The following SLC26A4 variants were observed in gnomAD, a reference collection of about 807,000 sequenced individuals.
SLC26A4 encodes the protein pendrin.
SLC26A4 carries 93 observed loss-of-function variants against 90.4 expected under a neutral mutation model. The observed-to-expected ratio is 1.03, with a 90% CI of 0.87 to 1.22. The LOEUF is 1.22. Among genes scored for constraint, SLC26A4 ranks in the 50% most tolerant of loss-of-function variants. SLC26A4 has a pLI of 0.00. For synonymous variants in SLC26A4, 393 were observed against 354.6 expected, an observed-to-expected ratio of 1.11 and a Z score of -1.22; for missense variants, 1,127 against 946.2, an observed-to-expected ratio of 1.19 and a Z score of -2.51.
chr7:107,661,449 A>T lies in SLC26A4; in HGVS notation c.-3-190A>T, dbSNP rs888972291. 3.1e-6 allele frequency: 2 copies of T among 655,380 alleles called. No homozygotes were observed. The highest frequency in any genetic ancestry group is 5.3e-6 in the Non-Finnish European group (2 of 374,842). The allele number at this position is 655,380 out of a possible 1,614,324, so 40.6% of individuals were successfully genotyped here. A position where few individuals can be genotyped will look rare whatever the true frequency, so the allele number is the denominator to read the frequency against. Reference sequence around the variant, plus strand: ...CGAAGGTTCTCAGGTGCCCCCCTGCAGGCTGGCCGTGCGCGCCGTGGGGCG... The same window carrying T: ...CGAAGGTTCTCAGGTGCCCCCCTGCTGGCTGGCCGTGCGCGCCGTGGGGCG... On this transcript the variant is annotated intron_variant, in intron 1 of 20. Transcript: ENST00000644269. This position sits in a 1 kb window ranked among gnomAD's most constrained non-coding sequence, Gnocchi z 5.1.
rs1264358618 is a variant in SLC26A4, at chr7:107,702,777, A to G, written c.2034+720A>G. 2.6e-5 allele frequency among the ~76,000 whole-genome samples: 4 copies of G among 152,206 alleles called. No individual in the cohort carries two copies. The East Asian group carries it at 5.8e-4, about 22-fold the overall frequency. On this transcript the variant is annotated intron_variant, in intron 17 of 20. Coordinates refer to ENST00000644269, the MANE Select transcript of SLC26A4 (RefSeq NM_000441.2). The stretch of plus-strand genomic sequence containing the variant: ...TGTTTTATCTTTCTGAGAATGTATA[A>G]CAAGTGGTATATGAAAAGAAAAAAA...
In SLC26A4 at chr7:107,701,840, G is replaced by A; in HGVS notation, c.1817G>A (p.Ser606Asn). ...QLRATKNGII[S>N]DAVSTNNAFE... ...TTCTTCGTTTAGAATGGCATCATAA[G>A]TGATGCTGTTTCAACAAATAATGCT... Residue 606 changes from serine (S) to asparagine (N), a missense_variant, in exon 17 of 21, where the codon AGT becomes AAT. Coordinates refer to ENST00000644269, the MANE Select transcript of SLC26A4 (RefSeq NM_000441.2). 2.5e-6 allele frequency: 4 copies of A among 1,595,552 alleles called. No homozygotes were observed. Among genetic ancestry groups the A allele is most frequent in the Non-Finnish European group, 3.4e-6 (4 of 1,163,200 alleles).
intron 14 of SLC26A4, among the ~76,000 whole-genome samples, chr7:107,699,094 G>C (rs183131069): frequency 2.0e-5 from 3 of 152,126 alleles, no homozygotes; most frequent in East Asian, 3.9e-4. Context: ...ATTTATTTCC[G>C]TGATCTTTCT....
chr7:107,711,511 A>G (rs1263114408), intron 19 of SLC26A4, among the ~76,000 whole-genome samples: 16 of 152,152 alleles, frequency 1.1e-4, no homozygotes, highest in Non-Finnish European at 1.5e-5. Flanking sequence ...TGGACCTTAA[A>G]CAAATAGACT....
chr7:107,670,298 G>A (rs996729447), intron 3 of SLC26A4, among the ~76,000 whole-genome samples: 1 of 151,640 alleles, frequency 6.6e-6, no homozygotes, highest in Admixed American at 6.6e-5. Flanking sequence ...TAGTAGAGAC[G>A]GGGTTTCACC....
intron 10 of SLC26A4, chr7:107,693,792 C>T: frequency 2.5e-6 from 2 of 809,266 alleles, no homozygotes; most frequent in Non-Finnish European, 3.0e-6. Context: ...CTGAGCCTGC[C>T]TCCGTGGAAC....
intron 2 of SLC26A4, chr7:107,662,041 G>T: frequency 1.7e-6 from 1 of 579,748 alleles, no homozygotes; most frequent in South Asian, 2.2e-5. Flanking sequence ...ACTCGCCTTT[G>T]GGGAGAGTGG....
In SLC26A4 at chr7:107,704,385, G is replaced by T. The variant is rs760740477; in HGVS notation, c.2089G>T (p.Asp697Tyr). 1.6e-6 allele frequency: 2 copies of T among 1,260,102 alleles called. No homozygotes were observed. The highest frequency in any genetic ancestry group is 1.5e-5 in the African/African-American group (1 of 68,146). 78.1% of individuals were successfully genotyped at this position (1,260,102 alleles called of 1,614,324 possible). ...DVNVYFASLQ[D>Y]YVIEKLEQCG... Reference sequence around the variant, plus strand: ...GAATGTGTATTTTGCATCACTTCAAGGTAAATACATATATCTACATATCTA... The same window carrying T: ...GAATGTGTATTTTGCATCACTTCAATGTAAATACATATATCTACATATCTA... Residue 697 changes from aspartate to tyrosine, a missense_variant and splice_region_variant, in exon 18 of 21, where the codon GAT (aspartate) becomes TAT (tyrosine). By Grantham distance (160) the Asp-to-Tyr change is radical (BLOSUM62 -3). Coordinates refer to ENST00000644269, the MANE Select transcript of SLC26A4 (RefSeq NM_000441.2).
At chr7:107,693,791 C>A (rs545979159) in intron 10 of SLC26A4, 3 of 839,556 alleles carry the variant, frequency 3.6e-6, no homozygotes, top group Admixed American at 5.2e-5. Context: ...TCTGAGCCTG[C>A]CTCCGTGGAA....
intron 12 of SLC26A4, 104 bp from the exon 13 acceptor site, chr7:107,695,829 T>A (rs549591336): frequency 1.3e-4 from 101 of 771,668 alleles, no homozygotes; most frequent in South Asian, 1.3e-3. Flanking sequence ...AAAAAAAAAA[T>A]GTAATTTGTT....
Position 107,674,985 on chromosome 7 carries a change from A to G in SLC26A4, c.641A>G (p.Tyr214Cys), listed in dbSNP as rs773861155. 16 of 1,614,126 alleles carry G rather than the reference A, an allele frequency of 9.9e-6. No homozygotes were observed. In the East Asian group the frequency reaches 2.9e-4, roughly 29 times the overall value. Residue 214 changes from tyrosine (Y) to cysteine (C), a missense_variant, in exon 6 of 21, where the codon TAC (tyrosine) becomes TGC (cysteine). Transcript: ENST00000644269. Reference protein sequence around the residue: ...GGLQIGFIVRYLADPLVGGFT... With the variant: ...GGLQIGFIVRCLADPLVGGFT... ...TTGCAGATTGGATTCATAGTGAGGT[A>G]CTTGGCAGATCCTTTGGTTGGTGGC...
At chr7:107,693,988 G>T (rs1791656849) in intron 10 of SLC26A4, among the ~76,000 whole-genome samples, 1 of 152,176 alleles carries the variant, frequency 6.6e-6, no homozygotes, top group African/African-American at 2.4e-5. Context: ...TCAGCTATGT[G>T]CCATGAGAAT....
intron 3 of SLC26A4, among the ~76,000 whole-genome samples, 165 bp downstream of exon 3, chr7:107,663,600 G>A (rs1363926428): frequency 1.3e-5 from 2 of 152,124 alleles, no homozygotes; most frequent in African/African-American, 4.8e-5. Flanking sequence ...CTTCCTTAGA[G>A]TTCTCTTCCT....
At chr7:107,712,758 CA>C (rs1792226564) in intron 20 of SLC26A4, 136 bp downstream of exon 20, 1 of 664,498 alleles carries the variant, frequency 1.5e-6, no homozygotes, top group Non-Finnish European at 2.7e-6. Flanking sequence ...GGCTTCATAG[CA>C]GGGAAAAAGA....
rs1450567840 is a variant in SLC26A4 at position 107,667,460 on chromosome 7, TTAAAAAAAAAA to T, written c.304+4026_304+4036del. ...GGGATCAGAAGCCAAGAGAGAAGGT[TTAAAAAAAAAA>T]AAAAAAAAAAAAAAGCATAGAGGGG... On this transcript the variant is annotated intron_variant, in intron 3 of 20. Coordinates refer to ENST00000644269, the MANE Select transcript of SLC26A4 (RefSeq NM_000441.2). Among the ~76,000 whole-genome samples, 22 of 26,430 alleles carry T rather than the reference TTAAAAAAAAAA, an allele frequency of 8.3e-4. No homozygotes were observed. In the East Asian group the frequency reaches 0.024, roughly 29 times the overall value. The allele number at this position is 26,430 out of a possible 152,430, so 17.3% of individuals were successfully genotyped here.
chr7:107,701,541 C>T (rs1187179207), intron 16 of SLC26A4, among the ~76,000 whole-genome samples: 1 of 152,204 alleles, frequency 6.6e-6, no homozygotes, highest in Non-Finnish European at 1.5e-5. Context: ...AGTCCATAAA[C>T]TTTTGGAGCT....
rs139407499 is a variant in SLC26A4, at chr7:107,691,144, T to C, written c.1263+907T>C. ...ACACACACACACACACACACACACA[T>C]GCACACACACATGCACAGTCTTCAC... On this transcript the variant is annotated intron_variant, in intron 10 of 20. Transcript: ENST00000644269. 4.3e-3 allele frequency among the ~76,000 whole-genome samples: 232 copies of C among 53,482 alleles called. 1 individual carries two copies. The East Asian group carries it at 0.063, about 15-fold the overall frequency. The allele number at this position is 53,482 out of a possible 152,430, so 35.1% of individuals were successfully genotyped here. A position where few individuals can be genotyped will look rare whatever the true frequency, so the allele number is the denominator to read the frequency against.
chr7:107,683,742 A>G (rs1466749930), intron 8 of SLC26A4, among the ~76,000 whole-genome samples: 1 of 152,212 alleles, frequency 6.6e-6, no homozygotes, highest in Non-Finnish European at 1.5e-5. Flanking sequence ...CAGCCCGTAT[A>G]TGCTCTTTTT....
intron 2 of SLC26A4, among the ~76,000 whole-genome samples, chr7:107,662,710 C>T (rs897404769): frequency 6.6e-5 from 10 of 152,294 alleles, no homozygotes; most frequent in African/African-American, 1.7e-4. Context: ...AATGTCCAAT[C>T]GTCCCATAAA....
Sources: gnomAD v4.1 joint callset for allele counts (sites outside exome capture counted in the v4.1 genomes callset) on GRCh38, gnomAD v4.1.1 for gene constraint, Gnocchi (gnomAD v3.1) non-coding constraint, MANE v1.5 for transcripts, NCBI Gene and HGNC (gene_info 2026-07-23, HGNC 2026-07-21) for gene names.